Variants in MAP4 observed in about 807,000 individuals in gnomAD.
MAP4 encodes the protein microtubule associated protein 4.
In MAP4, 76 loss-of-function variants were observed where a neutral mutation model predicts 170.2. The ratio of observed to expected loss-of-function variants is 0.45; its 90% CI spans 0.37 to 0.54. The LOEUF is 0.54. Among genes scored for constraint, MAP4 ranks in the 20% least tolerant of loss-of-function variants. The probability of loss-of-function intolerance (pLI) is 0.00; values close to 1 mark genes in which losing one functional copy is unlikely to be tolerated. For synonymous variants in MAP4, 909 were observed against 994.5 expected, an observed-to-expected ratio of 0.91 and a Z score of 1.62; for missense variants, 2,506 against 2,748.0, an observed-to-expected ratio of 0.91 and a Z score of 1.97.
intron 10 of MAP4, among the ~76,000 whole-genome samples, chr3:47,899,436 G>A (rs576548403): frequency 6.6e-6 from 1 of 152,240 alleles, no homozygotes; most frequent in African/African-American, 2.4e-5. Flanking sequence ...CACCGCACCC[G>A]GCCCCTTGCC....
intron 3 of MAP4, among the ~76,000 whole-genome samples, chr3:47,954,982 TAAGCCAG>T (rs1385302147): frequency 6.6e-6 from 1 of 152,146 alleles, no homozygotes; most frequent in Non-Finnish European, 1.5e-5. Context: ...ACTAAGATAT[TAAGCCAG>T]AAGCAATACC....
At position 47,912,134 on chromosome 3, in the gene MAP4, T is replaced by C. The variant is rs1265068221; in HGVS notation, c.2287A>G (p.Ser763Gly). ...TTTTTCTTCATCATTATTGGTGTGC[T>C]TTCTATATCCCAGGCCTCCCTGCCA... Reference protein sequence around the residue: ...DLGREAWDIESTPIMMKKKKK... With the variant: ...DLGREAWDIEGTPIMMKKKKK... Residue 763 changes from serine to glycine, a missense_variant, in exon 9 of 21, where the codon AGC becomes GGC. Physicochemically the swap from Ser to Gly is moderately conservative, Grantham distance 56. Coordinates refer to ENST00000683076, the MANE Select transcript of MAP4 (RefSeq NM_001385682.1). 6.5e-7 allele frequency: 1 copy of C among 1,536,182 alleles called. No individual in the cohort carries two copies. The highest frequency in any genetic ancestry group is 8.7e-7 in the Non-Finnish European group (1 of 1,146,902).
At chr3:47,933,506 T>G (rs2100051053) in intron 3 of MAP4, among the ~76,000 whole-genome samples, 1 of 151,928 alleles carries the variant, frequency 6.6e-6, no homozygotes, top group South Asian at 2.1e-4. Flanking sequence ...AGTACGATCA[T>G]AGCTCACTGC....
intron 8 of MAP4, among the ~76,000 whole-genome samples, 189 bp from the exon 9 acceptor site, chr3:47,912,610 C>A (rs771761273): frequency 1.3e-5 from 2 of 152,090 alleles, no homozygotes; most frequent in African/African-American, 2.4e-5. Context: ...TTTTAACTGG[C>A]GCTAGCAAAA....
chr3:48,082,676 T>C lies in MAP4; in HGVS notation c.-20+6097A>G, dbSNP rs181397612. 4.0e-3 allele frequency among the ~76,000 whole-genome samples: 611 copies of C among 151,852 alleles called. 6 individuals are homozygous for C. The highest frequency in any genetic ancestry group is 0.014 in the African/African-American group (592 of 41,418). On this transcript the variant is annotated intron_variant, in intron 1 of 18. Transcript: ENST00000360240. Reference sequence around the variant, plus strand: ...AATTAGGTGTGGTGGCACGTGCCTGTGGTCCCAGCTACTTGGGAGGCTAAG... The same window carrying C: ...AATTAGGTGTGGTGGCACGTGCCTGCGGTCCCAGCTACTTGGGAGGCTAAG...
chr3:48,077,440 C>G (rs1318141738), intron 1 of MAP4, among the ~76,000 whole-genome samples: 1 of 140,114 alleles, frequency 7.1e-6, no homozygotes, highest in African/African-American at 2.7e-5. Flanking sequence ...GAACGAAACT[C>G]AGTCTCAAAA....
intron 1 of MAP4, among the ~76,000 whole-genome samples, chr3:48,031,892 TACACAC>T (rs139294227): frequency 2.7e-5 from 4 of 147,516 alleles, no homozygotes; most frequent in East Asian, 2.0e-4. Flanking sequence ...CACACACACA[TACACAC>T]ACACACACAC....
At chr3:47,979,449 C>T (rs1172983070) in intron 2 of MAP4, among the ~76,000 whole-genome samples, 1 of 152,074 alleles carries the variant, frequency 6.6e-6, no homozygotes. Flanking sequence ...GTCTTGATTA[C>T]TGTATTTGTA....
At chr3:47,963,788 G>C (rs916914644) in intron 3 of MAP4, among the ~76,000 whole-genome samples, 2 of 152,126 alleles carry the variant, frequency 1.3e-5, no homozygotes, top group Non-Finnish European at 1.5e-5. Context: ...AGGCAGATGA[G>C]ATAAGTAAAC....
At chr3:48,061,778 G>A (rs539668232) in intron 1 of MAP4, among the ~76,000 whole-genome samples, 8 of 138,604 alleles carry the variant, frequency 5.8e-5, no homozygotes, top group South Asian at 2.3e-4. Context: ...CAGCCGCCCC[G>A]TCCGGGAGGG....
intron 1 of MAP4, among the ~76,000 whole-genome samples, chr3:48,055,416 G>A (rs1314969878): frequency 6.6e-6 from 1 of 151,718 alleles, no homozygotes; most frequent in East Asian, 1.9e-4. Context: ...GTGTTGGCCG[G>A]GCCGGTCTCC....
At chr3:47,982,273 T>G (rs953368088) in intron 2 of MAP4, among the ~76,000 whole-genome samples, 1 of 152,196 alleles carries the variant, frequency 6.6e-6, no homozygotes, top group Non-Finnish European at 1.5e-5. Flanking sequence ...TAAGTTTACA[T>G]ACATATTTAG....
In MAP4 at chr3:47,877,541, G is replaced by C; in HGVS notation, c.5435-18C>G. On this transcript the variant is annotated intron_variant, in intron 10 of 20. Coordinates refer to ENST00000683076, the MANE Select transcript of MAP4 (RefSeq NM_001385682.1). ...GGCTATTCCTAAGGGGAGAGGGTGAGTGGGAATTATGCTAAGCAAACATTT... is the reference window on the plus strand; with the variant it reads ...GGCTATTCCTAAGGGGAGAGGGTGACTGGGAATTATGCTAAGCAAACATTT... The C allele has an allele frequency of 1.3e-6, 2 of 1,555,050 alleles. No homozygotes were observed. Among genetic ancestry groups the C allele is most frequent in the Non-Finnish European group, 1.8e-6 (2 of 1,130,306 alleles).
Position 47,881,543 on chromosome 3 carries a change from CATGAT to C in MAP4, c.5435-4025_5435-4021del, listed in dbSNP as rs781715909. On this transcript the variant is annotated intron_variant, in intron 10 of 20. Coordinates refer to ENST00000683076, the MANE Select transcript of MAP4 (RefSeq NM_001385682.1). ...TACTGCTACTTTAAAAAATTGTTAA[CATGAT>C]ATATTTCTTTCCATCTTTTAACTTT... Among the ~76,000 whole-genome samples, 5 of 135,696 alleles carry C rather than the reference CATGAT, an allele frequency of 3.7e-5. No homozygotes were observed. The South Asian group carries it at 1.2e-3, about 32-fold the overall frequency. The allele number at this position is 135,696 out of a possible 152,430, so 89.0% of individuals were successfully genotyped here. A position where few individuals can be genotyped will look rare whatever the true frequency, so the allele number is the denominator to read the frequency against.
intron 3 of MAP4, among the ~76,000 whole-genome samples, chr3:47,937,859 A>C (rs1168015464): frequency 6.7e-6 from 1 of 150,068 alleles, no homozygotes; most frequent in Admixed American, 6.6e-5. Flanking sequence ...ACGAGGTTTC[A>C]CCATGTTGGC....
rs957535977 is a variant in MAP4, at chr3:47,982,139, T to C, written c.224-4206A>G. On this transcript the variant is annotated intron_variant, in intron 2 of 20. Coordinates refer to ENST00000683076, the MANE Select transcript of MAP4 (RefSeq NM_001385682.1). ...TCTCTACTCTTCTTGAGGAAACAAA[T>C]AGGATTAAGTGAAAATGAAGGGAGA... 7.2e-5 allele frequency among the ~76,000 whole-genome samples: 11 copies of C among 151,834 alleles called. No individual in the cohort carries two copies. The East Asian group carries it at 1.7e-3, about 24-fold the overall frequency.
intron 1 of MAP4, among the ~76,000 whole-genome samples, chr3:48,088,125 C>G (rs943780497): frequency 6.6e-6 from 1 of 152,180 alleles, no homozygotes; most frequent in African/African-American, 2.4e-5. Context: ...ATCACAATCT[C>G]TGTTCTGGGT....
At chr3:48,084,747 G>A (rs2100148251) in intron 1 of MAP4, among the ~76,000 whole-genome samples, 1 of 151,684 alleles carries the variant, frequency 6.6e-6, no homozygotes, top group Non-Finnish European at 1.5e-5. Context: ...AGCTAAGTTT[G>A]TTGTTGTTGT....
At chr3:47,908,217 G>A (rs1217321760) in intron 9 of MAP4, among the ~76,000 whole-genome samples, 1 of 151,962 alleles carries the variant, frequency 6.6e-6, no homozygotes, top group African/African-American at 2.4e-5. Flanking sequence ...GGGAATTGGG[G>A]GTGGGGGGAA....
Sources: allele counts gnomAD v4.1 joint callset (sites outside exome capture counted in the v4.1 genomes callset), GRCh38; gene constraint gnomAD v4.1.1; transcripts MANE v1.5; gene names NCBI Gene and HGNC (gene_info 2026-07-23, HGNC 2026-07-21).